RASSF5: variants seen among roughly 807,000 people sequenced by gnomAD.
RASSF5 encodes Ras association domain family member 5, also known as ras association domain-containing protein 5.
A neutral mutation model predicts 40.5 loss-of-function variants in RASSF5; 25 were observed. The observed-to-expected ratio is 0.62, with a 90% CI of 0.45 to 0.86. The LOEUF is 0.86. Ranked by LOEUF, RASSF5 falls within the 40% of genes least tolerant of loss-of-function variation. The probability of loss-of-function intolerance (pLI) is 0.00; values close to 1 mark genes in which losing one functional copy is unlikely to be tolerated. For synonymous variants in RASSF5, 246 were observed against 252.4 expected (o/e 0.97, Z 0.24); for missense variants, 521 against 572.8 (o/e 0.91, Z 0.92).
Position 206,545,345 on chromosome 1 carries a change from G to GT in RASSF5, c.579+7072dup, listed in dbSNP as rs10709687. Among the ~76,000 whole-genome samples, 169 of 130,256 alleles carry GT rather than the reference G, an allele frequency of 1.3e-3. 1 individual carries two copies. Among genetic ancestry groups the GT allele is most frequent in the African/African-American group, 1.8e-3 (63 of 35,508 alleles). 85.5% of individuals were successfully genotyped at this position (130,256 alleles called of 152,430 possible). On this transcript the variant is annotated intron_variant, in intron 2 of 5. Coordinates refer to ENST00000579436, the MANE Select transcript of RASSF5 (RefSeq NM_182663.4). ...GCATAAACTTTTAGGAATTTCTTGT[G>GT]TTTTTTTTTTTTTTTTTTTTAACAG...
At chr1:206,517,078 C>T (rs1553395528) in intron 1 of RASSF5, among the ~76,000 whole-genome samples, 2 of 152,218 alleles carry the variant, frequency 1.3e-5, no homozygotes, top group Admixed American at 1.3e-4. Flanking sequence ...CAGTCCGCAA[C>T]TGAGGAAGGG....
At chr1:206,564,169 T>C (rs1450856107) in intron 2 of RASSF5, among the ~76,000 whole-genome samples, 5 of 152,092 alleles carry the variant, frequency 3.3e-5, no homozygotes, top group African/African-American at 1.2e-4. Flanking sequence ...AACAGACCCT[T>C]TTTACTAGTT....
chr1:206,527,677 C>A (rs956061935), intron 1 of RASSF5, among the ~76,000 whole-genome samples: 2 of 152,102 alleles, frequency 1.3e-5, no homozygotes, highest in Admixed American at 6.6e-5. Flanking sequence ...GGACCGAAGC[C>A]TCAGGTGGGG....
chr1:206,567,485 G>A (rs1668319788), intron 2 of RASSF5, among the ~76,000 whole-genome samples: 1 of 152,152 alleles, frequency 6.6e-6, no homozygotes, highest in Admixed American at 6.5e-5. Context: ...GATGGAGCGG[G>A]GAGGAGCAGG....
intron 5 of RASSF5, 24 bp from the exon 6 acceptor site, chr1:206,586,802 A>G (rs1553407732): frequency 5.0e-6 from 8 of 1,597,804 alleles, no homozygotes; most frequent in Non-Finnish European, 6.0e-6. Context: ...GTTTCTTCCC[A>G]CAAATCTCCC....
At chr1:206,518,853 C>G (rs959790625) in intron 1 of RASSF5, among the ~76,000 whole-genome samples, 6 of 150,410 alleles carry the variant, frequency 4.0e-5, no homozygotes, top group South Asian at 2.2e-4. Flanking sequence ...AATCAGGGTC[C>G]CTGAGCTGGC....
intron 2 of RASSF5, among the ~76,000 whole-genome samples, chr1:206,568,776 A>T (rs2103549070): frequency 6.6e-6 from 1 of 152,350 alleles, no homozygotes; most frequent in Middle Eastern, 3.4e-3. Flanking sequence ...CTCTCAGAGC[A>T]TCTGGAACTC....
chr1:206,529,349 G>A, intron 1 of RASSF5: 1 of 764,050 alleles, frequency 1.3e-6, no homozygotes. Flanking sequence ...CTTTGGTGGA[G>A]AATAAGAAAG....
In RASSF5 at chr1:206,507,612, G is replaced by C; in HGVS notation, c.10G>C (p.Ala4Pro). Residue 4 changes from alanine (A) to proline (P), a missense_variant, in exon 1 of 6, where the codon GCG (alanine) becomes CCG (proline). Transcript: ENST00000579436. MAM[A>P]SPAIGQRPYP... ...CCGCCACTAGCCGGGCATGGCCATG[G>C]CGTCCCCGGCCATCGGGCAGCGCCC... 1 of 1,516,412 alleles carries C rather than the reference G, an allele frequency of 6.6e-7. No individual in the cohort carries two copies. Among genetic ancestry groups the C allele is most frequent in the East Asian group, 2.8e-5 (1 of 35,516 alleles). The allele number at this position is 1,516,412 out of a possible 1,614,324, so 93.9% of individuals were successfully genotyped here.
In RASSF5 at chr1:206,516,733, G is replaced by C. The variant is rs562835802; in HGVS notation, c.457+8674G>C. Among the ~76,000 whole-genome samples, 7 of 152,214 alleles carry C rather than the reference G, an allele frequency of 4.6e-5. No individual in the cohort carries two copies. In the South Asian group the frequency reaches 1.5e-3, roughly 32 times the overall value. ...CGGCCTCCCAAAGCGCTGGGATTAC[G>C]GGCATCAGCCACCACGCCTGGCCGT... On this transcript the variant is annotated intron_variant, in intron 1 of 5. Coordinates refer to ENST00000579436, the MANE Select transcript of RASSF5 (RefSeq NM_182663.4).
At chr1:206,568,217 A>G (rs1668335235) in intron 2 of RASSF5, among the ~76,000 whole-genome samples, 1 of 152,232 alleles carries the variant, frequency 6.6e-6, no homozygotes, top group African/African-American at 2.4e-5. Flanking sequence ...AAGCATTAAA[A>G]GACTCAGAGC....
intron 1 of RASSF5, among the ~76,000 whole-genome samples, chr1:206,518,163 T>A (rs895423365): frequency 1.8e-4 from 27 of 151,920 alleles, no homozygotes; most frequent in African/African-American, 6.0e-4. Flanking sequence ...CTTATCAAGC[T>A]AAAAGCCCCA....
chr1:206,574,000 G>A (rs1208937238), intron 2 of RASSF5, among the ~76,000 whole-genome samples: 1 of 152,214 alleles, frequency 6.6e-6, no homozygotes, highest in Non-Finnish European at 1.5e-5. Context: ...GTTATTTAGG[G>A]GATTAAATGA....
chr1:206,572,514 C>G (rs564127631), intron 2 of RASSF5: 2 of 152,352 alleles, frequency 1.3e-5, no homozygotes, highest in African/African-American at 4.8e-5. Context: ...TTCCCCCGGA[C>G]TGTCCTGGTT....
At chr1:206,551,389 C>T (rs1346807634) in intron 2 of RASSF5, among the ~76,000 whole-genome samples, 1 of 152,216 alleles carries the variant, frequency 6.6e-6, no homozygotes, top group Admixed American at 6.5e-5. Flanking sequence ...CCTGAGCGGA[C>T]ATCCTTCATT....
intron 2 of RASSF5, chr1:206,580,623 G>A (rs1553406094): frequency 6.6e-6 from 1 of 152,246 alleles, no homozygotes; most frequent in East Asian, 1.9e-4. Flanking sequence ...TTCACTGTGA[G>A]AGTCCCCGGG....
At chr1:206,570,545 G>A (rs1313946245) in intron 2 of RASSF5, among the ~76,000 whole-genome samples, 1 of 151,598 alleles carries the variant, frequency 6.6e-6, no homozygotes, top group Middle Eastern at 3.2e-3. Flanking sequence ...CAATTAAACA[G>A]TAACTCACTA....
rs181163167 is a variant in RASSF5, at chr1:206,507,760, C to T, written c.158C>T (p.Ala53Val). ...TGTGTCCCGGCGCCCCTCTCCACTG[C>T]GCCCGGGGCGCGCGAGGGGCGCAGC... ...RLCVPAPLST[A>V]PGAREGRSAR... Residue 53 changes from alanine to valine, a missense_variant, in exon 1 of 6, where the codon GCG (alanine) becomes GTG (valine). By Grantham distance (64) the Ala-to-Val change is moderately conservative. Around this residue, in one of 2 missense-constraint regions of RASSF5, gnomAD observed 237 missense variants for 212.0 expected, o/e 1.12. Transcript: ENST00000579436. The T allele has an allele frequency of 1.4e-5, 20 of 1,413,320 alleles. No individual in the cohort carries two copies. The highest frequency in any genetic ancestry group is 1.7e-5 in the Non-Finnish European group (19 of 1,093,468). The allele number at this position is 1,413,320 out of a possible 1,614,324, so 87.5% of individuals were successfully genotyped here.
chr1:206,540,114 G>T (rs1181237216), intron 2 of RASSF5, among the ~76,000 whole-genome samples: 2 of 152,236 alleles, frequency 1.3e-5, no homozygotes, highest in Admixed American at 1.3e-4. Context: ...GATTCTAGAA[G>T]AGGCCAGGAA....
Sources: gnomAD v4.1 joint callset for allele counts (sites outside exome capture counted in the v4.1 genomes callset) on GRCh38, gnomAD v4.1.1 for gene constraint, gnomAD v4.1.1 regional missense constraint, MANE v1.5 for transcripts, NCBI Gene and HGNC (gene_info 2026-07-23, HGNC 2026-07-21) for gene names.